The following RBFOX3 variants were observed in gnomAD, a reference collection of about 807,000 sequenced individuals.
RBFOX3 encodes the protein RNA binding protein fox-1 homolog 3.
Under a neutral mutation model 48.7 loss-of-function variants are expected in RBFOX3, and 17 were observed. That is an observed-to-expected ratio of 0.35 (90% CI 0.24 to 0.52). The LOEUF (loss-of-function observed/expected upper bound fraction) is 0.52, where lower values mean the gene tolerates loss of function less well. Ranked by LOEUF, RBFOX3 falls within the 20% of genes least tolerant of loss-of-function variation. RBFOX3 has a pLI of 0.94. For missense variants in RBFOX3, 382 were observed against 497.5 expected (o/e 0.77, Z 2.21); for synonymous variants, 212 against 209.5 (o/e 1.01, Z -0.10).
rs142770303 is a variant in RBFOX3, at chr17:79,167,782, G to A, written c.-33-52034C>T. Among the ~76,000 whole-genome samples, 874 of 152,336 alleles carry A rather than the reference G, an allele frequency of 5.7e-3. 4 individuals are homozygous for A. Among genetic ancestry groups the A allele is most frequent in the Middle Eastern group, 0.01 (3 of 294 alleles). ...CCTACCTGGGGTCCAGGGCACCCCG[G>A]AGCCGGAGCACGGGGCCTGGAGGTG... On this transcript the variant is annotated intron_variant, in intron 4 of 14. Transcript: ENST00000693108.
At chr17:79,280,260 C>T (rs2070060370) in intron 3 of RBFOX3, among the ~76,000 whole-genome samples, 1 of 151,858 alleles carries the variant, frequency 6.6e-6, no homozygotes, top group Admixed American at 6.6e-5. Context: ...CATGCACACA[C>T]CCTCCACACA....
At chr17:79,652,497 GAAAGGAAAGGA>G in the RBFOX3 span, among the ~76,000 whole-genome samples, 2 of 144,788 alleles carry the variant, frequency 1.4e-5, no homozygotes, top group African/African-American at 2.6e-5. Flanking sequence ...AGGTGCAGAA[GAAAGGAAAGGA>G]AAAGGAAAGG....
intron 3 of RBFOX3, among the ~76,000 whole-genome samples, chr17:79,286,083 C>T (rs1406758252): frequency 6.6e-6 from 1 of 152,200 alleles, no homozygotes; most frequent in Non-Finnish European, 1.5e-5. Flanking sequence ...GATCAGCTGG[C>T]ACTGTGACCT....
At chr17:79,228,252 C>T (rs944259996) in intron 4 of RBFOX3, among the ~76,000 whole-genome samples, 6 of 152,196 alleles carry the variant, frequency 3.9e-5, no homozygotes, top group African/African-American at 1.4e-4. Context: ...CTTGGCAAAG[C>T]TGTCCGCTCC....
At chr17:79,465,421 C>T (rs1445719390) in intron 2 of RBFOX3, among the ~76,000 whole-genome samples, 2 of 152,170 alleles carry the variant, frequency 1.3e-5, no homozygotes, top group African/African-American at 2.4e-5. Flanking sequence ...GGCCACGGGT[C>T]GGGGCTGCTT....
chr17:79,512,663 ACACCCACC>A, intron 1 of RBFOX3, among the ~76,000 whole-genome samples: 2 of 135,278 alleles, frequency 1.5e-5, no homozygotes, highest in Non-Finnish European at 3.2e-5. Flanking sequence ...TGGCCAGGGG[ACACCCACC>A]CGGATACGTG....
intron 2 of RBFOX3, among the ~76,000 whole-genome samples, chr17:79,457,292 C>T (rs1469596418): frequency 6.6e-6 from 1 of 152,226 alleles, no homozygotes; most frequent in East Asian, 1.9e-4. Flanking sequence ...TGTGGAGACA[C>T]AGGACACAGG....
chr17:79,359,084 C>T (rs887936644), intron 2 of RBFOX3, among the ~76,000 whole-genome samples: 1 of 152,184 alleles, frequency 6.6e-6, no homozygotes, highest in African/African-American at 2.4e-5. Context: ...TCAACACATC[C>T]TGTAATCCTC....
chr17:79,092,690 G>A, intron 14 of RBFOX3: 1 of 900,810 alleles, frequency 1.1e-6, no homozygotes, highest in Non-Finnish European at 1.3e-6. Flanking sequence ...TCTTTTGGAA[G>A]AGGGGAAAAA....
intron 5 of RBFOX3, among the ~76,000 whole-genome samples, chr17:79,113,494 G>A (rs1216905381): frequency 2.0e-5 from 3 of 152,134 alleles, no homozygotes; most frequent in African/African-American, 7.2e-5. Flanking sequence ...CCAGACCTGA[G>A]AGACCCCAGC....
Position 79,362,458 on chromosome 17 carries a change from G to T in RBFOX3, c.-174-54634C>A, listed in dbSNP as rs1441819287. 6.6e-6 allele frequency among the ~76,000 whole-genome samples: 1 copy of T among 152,100 alleles called. No individual in the cohort carries two copies. The highest frequency in any genetic ancestry group is 2.4e-5 in the African/African-American group (1 of 41,418). ...AGGGGACCAGGGGGTGGGGGTGGCG[G>T]TGGGCGTGGAAGGCCACCTGCGCTG... On this transcript the variant is annotated intron_variant, in intron 2 of 14. Transcript: ENST00000693108. The surrounding 1 kb of genome is among the most constrained non-coding windows in gnomAD (Gnocchi z 4.2).
rs567008501 is a variant in RBFOX3, at chr17:79,149,064, G to A, written c.-33-33316C>T. 7.9e-5 allele frequency among the ~76,000 whole-genome samples: 12 copies of A among 152,330 alleles called. No individual in the cohort carries two copies. The East Asian group carries it at 9.6e-4, about 12-fold the overall frequency. On this transcript the variant is annotated intron_variant, in intron 4 of 14. Transcript: ENST00000693108. ...TCAGCCTGCAGCTCCCACCACTGAC[G>A]AACAGCGCACTCTAAAGCTTAAGAA...
At chr17:79,206,149 G>C (rs907698711) in intron 4 of RBFOX3, among the ~76,000 whole-genome samples, 1 of 152,156 alleles carries the variant, frequency 6.6e-6, no homozygotes, top group African/African-American at 2.4e-5. Flanking sequence ...AATATTTAGA[G>C]TCTGGGGCTT....
intron 2 of RBFOX3, among the ~76,000 whole-genome samples, chr17:79,352,756 T>C (rs990830810): frequency 2.0e-5 from 3 of 152,246 alleles, no homozygotes; most frequent in African/African-American, 7.2e-5. Context: ...AAGAGCCTGC[T>C]GCCCCCCAGA....
At chr17:79,154,072 T>C (rs762668274) in intron 4 of RBFOX3, among the ~76,000 whole-genome samples, 1 of 152,144 alleles carries the variant, frequency 6.6e-6, no homozygotes, top group Non-Finnish European at 1.5e-5. Flanking sequence ...TGAAGAAATG[T>C]ACCCTCCTGA....
At chr17:79,434,651 TG>T (rs2069064341) in intron 2 of RBFOX3, among the ~76,000 whole-genome samples, 4 of 152,312 alleles carry the variant, frequency 2.6e-5, no homozygotes, top group South Asian at 4.2e-4. Context: ...TGCATCTAGC[TG>T]TGTGATTTTG....
chr17:79,381,684 T>C (rs2059949208), intron 2 of RBFOX3, among the ~76,000 whole-genome samples: 1 of 152,202 alleles, frequency 6.6e-6, no homozygotes, highest in African/African-American at 2.4e-5. Context: ...GGGGCAGAGT[T>C]GGGGGCAGGA....
intron 4 of RBFOX3, among the ~76,000 whole-genome samples, chr17:79,193,152 G>C (rs993178373): frequency 2.6e-5 from 4 of 152,172 alleles, no homozygotes; most frequent in Non-Finnish European, 1.5e-5. Flanking sequence ...TGCCGGCATG[G>C]CTGCCGTTTC....
At chr17:79,123,073 TG>T (rs2036186503) in intron 4 of RBFOX3, among the ~76,000 whole-genome samples, 1 of 133,598 alleles carries the variant, frequency 7.5e-6, no homozygotes, top group Admixed American at 7.6e-5. Flanking sequence ...GAGGGGGGTG[TG>T]GGCTGGGGGA....
Sources: allele counts gnomAD v4.1 joint callset (sites outside exome capture counted in the v4.1 genomes callset), GRCh38; gene constraint gnomAD v4.1.1; non-coding constraint Gnocchi (gnomAD v3.1); transcripts MANE v1.5; gene names NCBI Gene and HGNC (gene_info 2026-07-23, HGNC 2026-07-21).